Variants in FMN1 observed in about 807,000 individuals in gnomAD.
FMN1 encodes the protein formin 1.
Under a neutral mutation model 132.4 loss-of-function variants are expected in FMN1, and 110 were observed. The ratio of observed to expected loss-of-function variants is 0.83; its 90% CI spans 0.71 to 0.97. The LOEUF is 0.97. Among genes scored for constraint, FMN1 ranks in the 50% least tolerant of loss-of-function variants. The pLI, the probability that FMN1 is intolerant of heterozygous loss-of-function variation, is 0.00. For missense variants in FMN1, 1,792 were observed against 1,705.3 expected, an observed-to-expected ratio of 1.05 and a Z score of -0.90; for synonymous variants, 722 against 651.7, an observed-to-expected ratio of 1.11 and a Z score of -1.64.
At chr15:32,896,435 A>C (rs2060158002) in intron 15 of FMN1, among the ~76,000 whole-genome samples, 1 of 152,160 alleles carries the variant, frequency 6.6e-6, no homozygotes, top group Non-Finnish European at 1.5e-5. Context: ...AAACAAACAA[A>C]AAAAACCCCC....
chr15:33,024,176 G>A (rs1176588530), intron 6 of FMN1, among the ~76,000 whole-genome samples: 9 of 147,632 alleles, frequency 6.1e-5, no homozygotes, highest in African/African-American at 2.0e-4. Context: ...TTGTCCTCAG[G>A]ACAGCGCAAA....
intron 17 of FMN1, among the ~76,000 whole-genome samples, chr15:32,827,094 T>G (rs766060686): frequency 2.0e-5 from 3 of 152,200 alleles, no homozygotes; most frequent in Non-Finnish European, 2.9e-5. Flanking sequence ...ACAGGTTGTG[T>G]GAGACAGAAG....
intron 9 of FMN1, among the ~76,000 whole-genome samples, chr15:32,950,742 A>AG (rs1451343735): frequency 6.6e-6 from 1 of 152,208 alleles, no homozygotes; most frequent in Admixed American, 6.5e-5. Context: ...AATGGGTACT[A>AG]GGCTTAATAC....
intron 5 of FMN1, among the ~76,000 whole-genome samples, chr15:33,072,935 A>AAC (rs1566891089): frequency 6.6e-6 from 1 of 151,930 alleles, no homozygotes; most frequent in Non-Finnish European, 1.5e-5. Context: ...AAAAAAAAAA[A>AAC]AACAAAAACA....
chr15:32,926,868 T>A (rs1190042468), intron 9 of FMN1, among the ~76,000 whole-genome samples: 1 of 152,206 alleles, frequency 6.6e-6, no homozygotes, highest in African/African-American at 2.4e-5. Flanking sequence ...TGTCTCAGCC[T>A]TGACCTCCTG....
chr15:32,818,376 T>A (rs1231168254), intron 17 of FMN1, among the ~76,000 whole-genome samples: 4 of 152,178 alleles, frequency 2.6e-5, no homozygotes, highest in African/African-American at 9.6e-5. Flanking sequence ...TAGAAACTCA[T>A]GAAAGCATTT....
intron 9 of FMN1, among the ~76,000 whole-genome samples, chr15:32,960,065 C>T (rs1262502054): frequency 6.6e-6 from 1 of 152,208 alleles, no homozygotes; most frequent in African/African-American, 2.4e-5. Context: ...ATTTAAAAAG[C>T]CAGCCTGGCT....
intron 6 of FMN1, among the ~76,000 whole-genome samples, chr15:33,011,705 CATCA>C (rs1351722793): frequency 6.6e-6 from 1 of 151,946 alleles, no homozygotes; most frequent in East Asian, 1.9e-4. Context: ...CTTGCAACAC[CATCA>C]ATCAAGATCT....
chr15:32,973,755 G>T (rs17228999), intron 7 of FMN1, among the ~76,000 whole-genome samples: 3,340 of 152,152 alleles, frequency 0.022, 60 homozygotes, highest in Non-Finnish European at 0.032. Flanking sequence ...ATTTCAAATT[G>T]TGTCTGACTC....
intron 17 of FMN1, among the ~76,000 whole-genome samples, chr15:32,848,976 TG>T (rs1479248241): frequency 2.9e-5 from 3 of 103,206 alleles, no homozygotes; most frequent in South Asian, 6.4e-4. Context: ...AGTTCTCTTT[TG>T]TTTTTTTTTT....
intron 5 of FMN1, among the ~76,000 whole-genome samples, chr15:33,072,366 T>C (rs935460925): frequency 1.3e-5 from 2 of 152,122 alleles, no homozygotes; most frequent in Non-Finnish European, 2.9e-5. Context: ...TATGAGAGGA[T>C]TTGGGTATAT....
intron 18 of FMN1, among the ~76,000 whole-genome samples, chr15:32,802,068 G>A (rs1398127394): frequency 1.3e-5 from 2 of 152,174 alleles, no homozygotes; most frequent in Non-Finnish European, 2.9e-5. Context: ...TCAATCATGC[G>A]ATTTGAAATT....
chr15:32,812,576 G>T (rs978342769), intron 17 of FMN1, among the ~76,000 whole-genome samples: 4 of 152,118 alleles, frequency 2.6e-5, no homozygotes, highest in Non-Finnish European at 5.9e-5. Flanking sequence ...CTGCATTTTG[G>T]CCGAGACCGT....
intron 18 of FMN1, among the ~76,000 whole-genome samples, chr15:32,802,531 G>A (rs776379714): frequency 9.9e-5 from 15 of 152,086 alleles, no homozygotes; most frequent in South Asian, 2.1e-4. Context: ...CATTAAAGAT[G>A]GGATCTAACA....
chr15:32,886,080 C>T (rs572777431), intron 16 of FMN1, among the ~76,000 whole-genome samples: 13 of 152,226 alleles, frequency 8.5e-5, no homozygotes, highest in Non-Finnish European at 4.4e-5. Context: ...TAAGATGAAA[C>T]GGACCGCCAC....
At chr15:33,169,295 G>T (rs1464551793) in intron 3 of FMN1, among the ~76,000 whole-genome samples, 1 of 152,112 alleles carries the variant, frequency 6.6e-6, no homozygotes, top group African/African-American at 2.4e-5. Context: ...GCGGCCTCAC[G>T]CTGCTTCTAG....
intron 9 of FMN1, among the ~76,000 whole-genome samples, chr15:32,944,613 A>C (rs1308948891): frequency 6.6e-6 from 1 of 152,170 alleles, no homozygotes; most frequent in African/African-American, 2.4e-5. Context: ...AGAAATGTGA[A>C]AAGGCAAATT....
chr15:33,024,137 T>C (rs1009146607), intron 6 of FMN1, among the ~76,000 whole-genome samples: 1 of 145,750 alleles, frequency 6.9e-6, no homozygotes, highest in African/African-American at 2.5e-5. Context: ...CTAATAAACA[T>C]ATAAACATAC....
intron 7 of FMN1, 143 bp downstream of exon 7, chr15:33,007,871 A>G: frequency 1.7e-6 from 1 of 602,690 alleles, no homozygotes; most frequent in Non-Finnish European, 2.9e-6. Flanking sequence ...CATTCCCTGT[A>G]TAGACACAGT....
Sources: gnomAD v4.1 joint callset for allele counts (sites outside exome capture counted in the v4.1 genomes callset) on GRCh38, gnomAD v4.1.1 for gene constraint, MANE v1.5 for transcripts, NCBI Gene and HGNC (gene_info 2026-07-23, HGNC 2026-07-21) for gene names.